The following IMMP2L variants were observed in gnomAD, a reference collection of about 807,000 sequenced individuals.
The protein encoded by IMMP2L is inner mitochondrial membrane peptidase subunit 2.
A neutral mutation model predicts 19.3 loss-of-function variants in IMMP2L; 18 were observed. That is an observed-to-expected ratio of 0.93 (90% confidence interval 0.64 to 1.38). IMMP2L has a LOEUF of 1.38. Among genes scored for constraint, IMMP2L ranks in the 40% most tolerant of loss-of-function variants. The probability of loss-of-function intolerance (pLI) is 0.00; values close to 1 mark genes in which losing one functional copy is unlikely to be tolerated. For missense variants in IMMP2L, 233 were observed against 218.2 expected (o/e 1.07, Z -0.43); for synonymous variants, 76 against 73.0 (o/e 1.04, Z -0.21).
At chr7:111,539,166 AGGAAGGAAGGAAGGAAGGAAGGAAGGAG>A (rs1284294956) in intron 1 of IMMP2L, among the ~76,000 whole-genome samples, 111 of 61,904 alleles carry the variant, frequency 1.8e-3, no homozygotes, top group African/African-American at 3.5e-3. Context: ...GAAGGAAGGA[AGGAAGGAAGGAAGGAAGGAAGGAAGGAG>A]GGAGAAAGAA....
chr7:111,216,486 T>C (rs1811937630), intron 3 of IMMP2L, among the ~76,000 whole-genome samples: 1 of 152,148 alleles, frequency 6.6e-6, no homozygotes, highest in African/African-American at 2.4e-5. Context: ...AATAATAAAG[T>C]CAAGCTTGTT....
intron 3 of IMMP2L, among the ~76,000 whole-genome samples, chr7:111,361,313 G>A (rs1002507729): frequency 3.3e-5 from 5 of 151,962 alleles, no homozygotes; most frequent in South Asian, 2.1e-4. Flanking sequence ...CAAACTCAAC[G>A]TTATGCATAT....
intron 3 of IMMP2L, among the ~76,000 whole-genome samples, chr7:111,237,694 A>T (rs577916590): frequency 1.3e-5 from 2 of 152,102 alleles, no homozygotes; most frequent in East Asian, 3.9e-4. Flanking sequence ...TTTCTTTAAA[A>T]AAAAAAACTT....
chr7:110,754,754 T>C lies in IMMP2L; in HGVS notation c.409-91033A>G, dbSNP rs568925572. Among the ~76,000 whole-genome samples, 4 of 152,164 alleles carry C rather than the reference T, an allele frequency of 2.6e-5. No homozygotes were observed. In the East Asian group the frequency reaches 7.7e-4, roughly 29 times the overall value. ...CTGTAATATATTTGCCATAAGAGCC[T>C]TTTGCTGGTAATTGGAAGATTCAGC... On this transcript the variant is annotated intron_variant, in intron 5 of 5. Coordinates refer to ENST00000405709, the MANE Select transcript of IMMP2L (RefSeq NM_032549.4).
intron 3 of IMMP2L, among the ~76,000 whole-genome samples, chr7:111,173,991 C>T (rs1044804990): frequency 4.6e-5 from 7 of 151,642 alleles, no homozygotes; most frequent in Non-Finnish European, 8.9e-5. Context: ...AACATCAACC[C>T]TTCTCATAAA....
intron 3 of IMMP2L, among the ~76,000 whole-genome samples, chr7:111,400,047 G>T (rs1037757399): frequency 1.3e-5 from 2 of 152,076 alleles, no homozygotes; most frequent in Middle Eastern, 3.2e-3. Context: ...CTCTCCATCT[G>T]AATGTGATAC....
intron 3 of IMMP2L, among the ~76,000 whole-genome samples, chr7:111,079,869 A>G (rs1795744872): frequency 6.6e-6 from 1 of 152,164 alleles, no homozygotes. Flanking sequence ...TCCCATAATG[A>G]GACTGGTAGC....
At chr7:111,085,220 A>C (rs1796214421) in intron 3 of IMMP2L, among the ~76,000 whole-genome samples, 1 of 152,202 alleles carries the variant, frequency 6.6e-6, no homozygotes, top group Non-Finnish European at 1.5e-5. Context: ...TTGTTCTTCA[A>C]ATGATTCGTA....
chr7:111,261,929 G>A (rs2129815748), intron 3 of IMMP2L, among the ~76,000 whole-genome samples: 1 of 152,230 alleles, frequency 6.6e-6, no homozygotes, highest in East Asian at 1.9e-4. Context: ...TAAAGCTGGA[G>A]AGAGAGATAT....
rs566363244 is a variant in IMMP2L at position 110,739,136 on chromosome 7, T to C, written c.409-75415A>G. The stretch of plus-strand genomic sequence containing the variant: ...TAAAGCATAAATCTCACAGGATCTA[T>C]AGAACAATAAGACAATGAAAAATAT... On this transcript the variant is annotated intron_variant, in intron 5 of 5. Transcript: ENST00000405709. 2.0e-5 allele frequency among the ~76,000 whole-genome samples: 3 copies of C among 152,246 alleles called. No homozygotes were observed. In the South Asian group the frequency reaches 6.2e-4, roughly 32 times the overall value.
At chr7:110,812,564 C>T (rs1485741335) in intron 5 of IMMP2L, among the ~76,000 whole-genome samples, 1 of 151,960 alleles carries the variant, frequency 6.6e-6, no homozygotes, top group African/African-American at 2.4e-5. Context: ...GAGGACAAGG[C>T]ATATGTTGGT....
At chr7:111,387,988 A>AACAAAAAAAAAAAAC (rs1831948670) in intron 3 of IMMP2L, among the ~76,000 whole-genome samples, 3 of 150,684 alleles carry the variant, frequency 2.0e-5, no homozygotes, top group African/African-American at 7.4e-5. Context: ...AAAAAAAAAA[A>AACAAAAAAAAAAAAC]AAAAAAAAAA....
chr7:111,544,903 T>C (rs1009759810), intron 1 of IMMP2L, among the ~76,000 whole-genome samples: 1 of 151,526 alleles, frequency 6.6e-6, no homozygotes, highest in East Asian at 1.9e-4. Context: ...GAATGGTTTA[T>C]ACCCCAAACA....
intron 3 of IMMP2L, among the ~76,000 whole-genome samples, chr7:111,185,688 G>C (rs1455273899): frequency 6.6e-6 from 1 of 152,108 alleles, no homozygotes; most frequent in Non-Finnish European, 1.5e-5. Context: ...ATAGCAAGGA[G>C]ATTAGAGCAA....
intron 3 of IMMP2L, among the ~76,000 whole-genome samples, chr7:111,477,796 G>A (rs1156387959): frequency 6.6e-6 from 1 of 152,064 alleles, no homozygotes; most frequent in Admixed American, 6.6e-5. Flanking sequence ...TACTCAGGAG[G>A]CTGAGGCAGG....
At chr7:110,867,407 G>C (rs1382991993) in intron 5 of IMMP2L, among the ~76,000 whole-genome samples, 1 of 151,996 alleles carries the variant, frequency 6.6e-6, no homozygotes, top group Non-Finnish European at 1.5e-5. Context: ...ATGGATTTCA[G>C]AAGGACATAA....
chr7:111,263,537 T>A (rs37737), intron 3 of IMMP2L, among the ~76,000 whole-genome samples: 31,090 of 151,974 alleles, frequency 0.2, 4,335 homozygotes, highest in African/African-American at 0.39. Context: ...ATCGAAATGC[T>A]GATGAGAAGG....
intron 5 of IMMP2L, among the ~76,000 whole-genome samples, chr7:110,744,241 C>T (rs1051712888): frequency 1.3e-5 from 2 of 152,222 alleles, no homozygotes; most frequent in African/African-American, 4.8e-5. Flanking sequence ...AAGGCAGCAG[C>T]CCCAGTCAGG....
chr7:110,757,952 G>A lies in IMMP2L; in HGVS notation c.409-94231C>T, dbSNP rs1301469189. Among the ~76,000 whole-genome samples, 2 of 152,046 alleles carry A rather than the reference G, an allele frequency of 1.3e-5. No individual in the cohort carries two copies. Among genetic ancestry groups the A allele is most frequent in the African/African-American group, 4.8e-5 (2 of 41,432 alleles). ...AGGAAGTGGGATTGGGAATTCTTGG[G>A]TAGAAGTAGGAGTGATGTAGTAAAT... On this transcript the variant is annotated intron_variant, in intron 5 of 5. Coordinates refer to ENST00000405709, the MANE Select transcript of IMMP2L (RefSeq NM_032549.4). The surrounding 1 kb of genome is among the most constrained non-coding windows in gnomAD (Gnocchi z 4.2).
Sources: gnomAD v4.1 joint callset for allele counts (sites outside exome capture counted in the v4.1 genomes callset) on GRCh38, gnomAD v4.1.1 for gene constraint, Gnocchi (gnomAD v3.1) non-coding constraint, MANE v1.5 for transcripts, NCBI Gene and HGNC (gene_info 2026-07-23, HGNC 2026-07-21) for gene names.